The following ARHGAP28 variants were observed in gnomAD, a reference collection of about 807,000 sequenced individuals.
ARHGAP28 encodes the protein rho GTPase-activating protein 28.
Under a neutral mutation model 90.7 loss-of-function variants are expected in ARHGAP28, and 56 were observed. The ratio of observed to expected loss-of-function variants is 0.62; its 90% CI spans 0.50 to 0.77. The LOEUF is 0.77. Among genes scored for constraint, ARHGAP28 ranks in the 30% least tolerant of loss-of-function variants. The pLI is 0.00. For synonymous variants in ARHGAP28, 308 were observed against 323.3 expected (o/e 0.95, Z 0.51); for missense variants, 869 against 900.9 (o/e 0.96, Z 0.45).
intron 1 of ARHGAP28, among the ~76,000 whole-genome samples, chr18:6,805,421 T>C (rs1555628049): frequency 6.6e-6 from 1 of 151,880 alleles, no homozygotes; most frequent in Non-Finnish European, 1.5e-5. Context: ...AATTGTAAGC[T>C]ATTTATGTCC....
chr18:6,789,852 G>A (rs1451383366), intron 1 of ARHGAP28: 65 of 149,562 alleles, frequency 4.3e-4, no homozygotes, highest in African/African-American at 1.5e-3. Context: ...TTTTGAGACA[G>A]AGTCTCACTC....
At chr18:6,901,518 T>TCAA (rs1239333256) in intron 16 of ARHGAP28, among the ~76,000 whole-genome samples, 1 of 143,718 alleles carries the variant, frequency 7.0e-6, no homozygotes, top group Non-Finnish European at 1.5e-5. Context: ...GTTGATAGTA[T>TCAA]CAAGGTACAC....
At chr18:6,898,635 T>C (rs1165486742) in intron 16 of ARHGAP28, 1 of 1,543,448 alleles carries the variant, frequency 6.5e-7, no homozygotes, top group African/African-American at 1.4e-5. Flanking sequence ...AGACTTTTAG[T>C]TACATATACT....
At chr18:6,827,647 C>A (rs944937528) in intron 2 of ARHGAP28, among the ~76,000 whole-genome samples, 43 of 151,312 alleles carry the variant, frequency 2.8e-4, no homozygotes, top group Non-Finnish European at 5.9e-4. Flanking sequence ...GCTGACCCCC[C>A]CCCCACCTCC....
At chr18:6,878,236 A>G (rs1035076437) in intron 10 of ARHGAP28, among the ~76,000 whole-genome samples, 4 of 151,460 alleles carry the variant, frequency 2.6e-5, no homozygotes, top group Non-Finnish European at 4.4e-5. Flanking sequence ...TCAGCAAACT[A>G]TCGCAAGGAC....
chr18:6,744,715 C>T (rs921056665), intron 1 of ARHGAP28, among the ~76,000 whole-genome samples: 38 of 152,184 alleles, frequency 2.5e-4, no homozygotes, highest in African/African-American at 8.4e-4. Flanking sequence ...TAGTAAGATG[C>T]TTGTGTTTAA....
chr18:6,904,564 C>A (rs924639330), intron 16 of ARHGAP28, among the ~76,000 whole-genome samples: 5 of 151,888 alleles, frequency 3.3e-5, no homozygotes, highest in Non-Finnish European at 7.4e-5. Context: ...GCAAAATATA[C>A]CCGAAGGAAC....
chr18:6,830,876 A>G (rs899690345), intron 2 of ARHGAP28, among the ~76,000 whole-genome samples: 1 of 152,198 alleles, frequency 6.6e-6, no homozygotes, highest in African/African-American at 2.4e-5. Flanking sequence ...CTTGTTTACA[A>G]TTTTGCTTAC....
At chr18:6,821,246 A>C (rs9961900) in intron 1 of ARHGAP28, among the ~76,000 whole-genome samples, 1 of 152,174 alleles carries the variant, frequency 6.6e-6, no homozygotes, top group Non-Finnish European at 1.5e-5. Context: ...ACAATGGAAG[A>C]AAAAATAGAA....
At chr18:6,760,155 G>A (rs1300825447) in intron 1 of ARHGAP28, among the ~76,000 whole-genome samples, 1 of 152,134 alleles carries the variant, frequency 6.6e-6, no homozygotes, top group Non-Finnish European at 1.5e-5. Context: ...GAAGTGCAGC[G>A]AACAGATAGG....
chr18:6,791,414 A>G (rs571364769), intron 1 of ARHGAP28: 58 of 152,364 alleles, frequency 3.8e-4, no homozygotes, highest in African/African-American at 1.3e-3. Flanking sequence ...CAGGATCAAT[A>G]TTTGTATCCT....
chr18:6,782,357 G>A (rs1038354576), intron 1 of ARHGAP28, among the ~76,000 whole-genome samples: 2 of 151,792 alleles, frequency 1.3e-5, no homozygotes, highest in Non-Finnish European at 2.9e-5. Flanking sequence ...GTATTAATGA[G>A]GAATCCCTTG....
intron 1 of ARHGAP28, among the ~76,000 whole-genome samples, chr18:6,735,664 C>T (rs920436433): frequency 6.6e-6 from 1 of 151,810 alleles, no homozygotes; most frequent in Non-Finnish European, 1.5e-5. Context: ...AAGCAATCCT[C>T]CCATCTCAGC....
chr18:6,825,681 C>T lies in ARHGAP28; in HGVS notation c.325+717C>T, dbSNP rs75538083. Among the ~76,000 whole-genome samples, 804 of 152,196 alleles carry T rather than the reference C, an allele frequency of 5.3e-3. 5 individuals are homozygous for T. The highest frequency in any genetic ancestry group is 9.0e-3 in the Non-Finnish European group (614 of 68,012). ...TTTGTGGGTGCTTAGTGTTTAGTGCCCGCTTACAAGTGAGAACATGCAGTA... is the reference window on the plus strand; with the variant it reads ...TTTGTGGGTGCTTAGTGTTTAGTGCTCGCTTACAAGTGAGAACATGCAGTA... On this transcript the variant is annotated intron_variant, in intron 2 of 17. Transcript: ENST00000383472.
chr18:6,768,831 G>T (rs1260191859), intron 1 of ARHGAP28, among the ~76,000 whole-genome samples: 1 of 152,066 alleles, frequency 6.6e-6, no homozygotes, highest in Non-Finnish European at 1.5e-5. Context: ...GGTCTGGGCG[G>T]TTCATCCGGG....
chr18:6,898,644 C>G (rs1427195456), intron 16 of ARHGAP28: 1 of 1,515,356 alleles, frequency 6.6e-7, no homozygotes, highest in Non-Finnish European at 8.8e-7. Flanking sequence ...GTTACATATA[C>G]TACAAAACTG....
intron 14 of ARHGAP28, among the ~76,000 whole-genome samples, chr18:6,891,230 G>A (rs1467769427): frequency 1.3e-5 from 2 of 152,186 alleles, no homozygotes; most frequent in African/African-American, 4.8e-5. Flanking sequence ...CAGGCCAGCT[G>A]TGCCAGGGCC....
chr18:6,849,095 A>AG (rs2056888805), intron 3 of ARHGAP28, among the ~76,000 whole-genome samples: 1 of 151,686 alleles, frequency 6.6e-6, no homozygotes, highest in South Asian at 2.1e-4. Context: ...AGAAAAAAAA[A>AG]AAAATTAAAA....
At chr18:6,833,981 A>G (rs539143039) in intron 2 of ARHGAP28, among the ~76,000 whole-genome samples, 12 of 152,254 alleles carry the variant, frequency 7.9e-5, no homozygotes, top group African/African-American at 2.4e-4. Flanking sequence ...TTTAAAAACA[A>G]CTGCTGAAAG....
Sources: gnomAD v4.1 joint callset for allele counts (sites outside exome capture counted in the v4.1 genomes callset) on GRCh38, gnomAD v4.1.1 for gene constraint, MANE v1.5 for transcripts, NCBI Gene and HGNC (gene_info 2026-07-23, HGNC 2026-07-21) for gene names.